The following GPR146 variants were observed in gnomAD, a reference collection of about 807,000 sequenced individuals.
GPR146 encodes G protein-coupled receptor 146.
For synonymous variants in GPR146, 203 were observed against 104.3 expected (o/e 1.95, Z -5.77); for missense variants, 381 against 213.9 (o/e 1.78, Z -4.87).
At chr7:1,049,408 T>C (rs1442357790) in intron 1 of GPR146, among the ~76,000 whole-genome samples, 1 of 152,188 alleles carries the variant, frequency 6.6e-6, no homozygotes, top group African/African-American at 2.4e-5. Flanking sequence ...ATGAAGATTT[T>C]TACTAAGCCT....
chr7:1,051,026 G>A (rs952499471), intron 1 of GPR146, among the ~76,000 whole-genome samples: 1 of 152,366 alleles, frequency 6.6e-6, no homozygotes, highest in East Asian at 1.9e-4. Flanking sequence ...CTGGGTGGGA[G>A]TGCGCAGCCC....
rs535670262 is a variant in GPR146, at chr7:1,047,149, G to T, written c.-25+2491G>T. Among the ~76,000 whole-genome samples the T allele has an allele frequency of 3.3e-4, 50 of 152,362 alleles. 2 individuals carry two copies. The highest frequency in any genetic ancestry group is 1.1e-3 in the African/African-American group (46 of 41,590). On this transcript the variant is annotated intron_variant, in intron 1 of 1. Transcript: ENST00000444847. ...GGAACAAAAAGCCAAGTAAACAAAA[G>T]AATGCTGTTCCACCTTCCTCCAGGG...
chr7:1,050,039 T>C (rs1052899379), intron 1 of GPR146, among the ~76,000 whole-genome samples: 3 of 152,304 alleles, frequency 2.0e-5, no homozygotes, highest in Admixed American at 6.5e-5. Context: ...TCTGGCGGGC[T>C]AGGCCTTGGC....
In GPR146 at chr7:1,058,274, G is replaced by T. The variant is rs1189200816; in HGVS notation, c.759G>T (p.Leu253=). The T allele has an allele frequency of 1.3e-6, 1 of 772,796 alleles. No individual in the cohort carries two copies. 47.9% of individuals were successfully genotyped at this position (772,796 alleles called of 1,614,324 possible). ...TCTGGACGCCACACTATCTGATCCTGCTGGGGCACACGGTCATCATCTCGC... is the reference window on the plus strand; with the variant it reads ...TCTGGACGCCACACTATCTGATCCTTCTGGGGCACACGGTCATCATCTCGC... The part of the protein sequence containing the change: ...FGLWTPHYLI[L]LGHTVIISRG... Residue 253 remains leucine, a synonymous_variant, in exon 2 of 2, where the codon CTG becomes CTT. Transcript: ENST00000444847.
intron 1 of GPR146, among the ~76,000 whole-genome samples, chr7:1,050,511 C>T (rs949515267): frequency 5.3e-5 from 8 of 152,254 alleles, no homozygotes; most frequent in South Asian, 2.1e-4. Context: ...GCCCCAGCTT[C>T]TCCAAGTCCT....
At chr7:1,057,391 C>T (rs1216042882) in intron 1 of GPR146, 101 bp from the exon 2 acceptor site, 12 of 604,754 alleles carry the variant, frequency 2.0e-5, no homozygotes, top group Non-Finnish European at 3.0e-5. Context: ...TGGTCTGCAG[C>T]GATTACTGCA....
chr7:1,049,679 C>T (rs570189614), intron 1 of GPR146, among the ~76,000 whole-genome samples: 70 of 152,338 alleles, frequency 4.6e-4, no homozygotes, highest in Non-Finnish European at 9.1e-4. Flanking sequence ...AGGCTTACTA[C>T]GAAGCCCTGT....
rs76654767 is a variant in GPR146, at chr7:1,052,369, C to T, written c.-24-5123C>T. On this transcript the variant is annotated intron_variant, in intron 1 of 1. Coordinates refer to ENST00000444847, the MANE Select transcript of GPR146 (RefSeq NM_001303473.2). The surrounding 1 kb of genome is among the most constrained non-coding windows in gnomAD (Gnocchi z 4.2). ...AGGGCCTTGGGGCTGCTTGTGCTGGCACCGACGTGGGCCTGGGGAGGGACC... is the reference window on the plus strand; with the variant it reads ...AGGGCCTTGGGGCTGCTTGTGCTGGTACCGACGTGGGCCTGGGGAGGGACC... Among the ~76,000 whole-genome samples the T allele has an allele frequency of 0.014, 2,130 of 152,252 alleles. 110 individuals carry two copies. The East Asian group carries it at 0.19, about 14-fold the overall frequency.
chr7:1,056,439 C>G (rs906283152), intron 1 of GPR146: 1 of 152,498 alleles, frequency 6.6e-6, no homozygotes, highest in Non-Finnish European at 1.5e-5. Context: ...GTCCTGCCCA[C>G]CAGCCTCTGG....
At chr7:1,055,669 T>C (rs1412202108) in intron 1 of GPR146, among the ~76,000 whole-genome samples, 13 of 152,122 alleles carry the variant, frequency 8.5e-5, no homozygotes. Context: ...CAGAGCACAC[T>C]GAGGGGTCCC....
At position 1,058,065 on chromosome 7, in the gene GPR146, G is replaced by A. The variant is rs139937732; in HGVS notation, c.550G>A (p.Ala184Thr). The A allele has an allele frequency of 1.2e-5, 9 of 767,762 alleles. No homozygotes were observed. In the African/African-American group the frequency reaches 1.2e-4, roughly 10 times the overall value. The allele number at this position is 767,762 out of a possible 1,614,324, so 47.6% of individuals were successfully genotyped here. Residue 184 changes from alanine (A) to threonine (T), a missense_variant, in exon 2 of 2, where the codon GCA becomes ACA. Physicochemically the swap from Ala to Thr is moderately conservative, Grantham distance 58. Coordinates refer to ENST00000444847, the MANE Select transcript of GPR146 (RefSeq NM_001303473.2). ...GCTAGAGTGCGCCAAGATGCAGAAC[G>A]CAGAAGCTGCCGACGCCACGCTGGT... ...RALECAKMQN[A>T]EAADATLVFI...
At position 1,046,653 on chromosome 7, in the gene GPR146, T is replaced by C. The variant is rs1015262527; in HGVS notation, c.-25+1995T>C. ...AAGTCAGTTTCTTAGGAGCGTGCTG[T>C]CTACCCAGGAGCCTCCGTGTGCAAA... On this transcript the variant is annotated intron_variant, in intron 1 of 1. Transcript: ENST00000444847. Among the ~76,000 whole-genome samples the C allele has an allele frequency of 3.9e-5, 6 of 152,284 alleles. No individual in the cohort carries two copies. The South Asian group carries it at 1.2e-3, about 32-fold the overall frequency.
Position 1,058,154 on chromosome 7 carries a change from C to T in GPR146, c.639C>T (p.Val213=). The change falls in exon 2 of 2, where the codon GTC becomes GTT. Residue 213 remains valine (V), a synonymous_variant. Transcript: ENST00000444847. The part of the protein sequence containing the change: ...TLYALVLLSR[V]RREDTPLDRD... ...ACGCGCTGGTGCTACTCTCCCGCGT[C>T]CGCAGGGAGGACACGCCCCTGGACC... is the stretch of plus-strand genomic sequence containing the variant. The T allele has an allele frequency of 1.4e-6, 1 of 739,788 alleles. No homozygotes were observed. Among genetic ancestry groups the T allele is most frequent in the East Asian group, 2.5e-5 (1 of 40,252 alleles). The allele number at this position is 739,788 out of a possible 1,614,324, so 45.8% of individuals were successfully genotyped here.
rs749899267 is a variant in GPR146, at chr7:1,057,858, G to A, written c.343G>A (p.Val115Met). The A allele has an allele frequency of 2.6e-6, 2 of 777,580 alleles. No homozygotes were observed. The highest frequency in any genetic ancestry group is 4.8e-6 in the Non-Finnish European group (2 of 418,050). 48.2% of individuals were successfully genotyped at this position (777,580 alleles called of 1,614,324 possible). A position where few individuals can be genotyped will look rare whatever the true frequency, so the allele number is the denominator to read the frequency against. Residue 115 changes from valine to methionine, a missense_variant, in exon 2 of 2, where the codon GTG becomes ATG. Coordinates refer to ENST00000444847, the MANE Select transcript of GPR146 (RefSeq NM_001303473.2). ...LQIPFNVSSL[V>M]AMYSTALLSL... ...GATCCCCTTCAATGTGTCCTCACTG[G>A]TGGCCATGTACTCCACCGCCCTGCT...
chr7:1,046,375 T>C (rs980825339), intron 1 of GPR146, among the ~76,000 whole-genome samples: 1 of 152,204 alleles, frequency 6.6e-6, no homozygotes, highest in Non-Finnish European at 1.5e-5. Flanking sequence ...GGTGCTGTTT[T>C]CTGTCAACAG....
At chr7:1,048,040 CA>C (rs3832537) in intron 1 of GPR146, among the ~76,000 whole-genome samples, 100,427 of 151,988 alleles carry the variant, frequency 0.66, 34,721 homozygotes, top group African/African-American at 0.87. Flanking sequence ...CTTAACCCAG[CA>C]AAGACTGGCG....
At chr7:1,055,785 C>T (rs992179573) in intron 1 of GPR146, among the ~76,000 whole-genome samples, 25 of 152,156 alleles carry the variant, frequency 1.6e-4, no homozygotes, top group African/African-American at 5.8e-4. Context: ...CCTCCCGCTC[C>T]GATCTTCTAA....
chr7:1,051,296 G>A (rs183624403), intron 1 of GPR146, among the ~76,000 whole-genome samples: 1 of 152,242 alleles, frequency 6.6e-6, no homozygotes, highest in South Asian at 2.1e-4. Flanking sequence ...GCTCTCTAGG[G>A]TGCACCTGGT....
At chr7:1,047,212 C>T (rs190117163) in intron 1 of GPR146, among the ~76,000 whole-genome samples, 4 of 152,216 alleles carry the variant, frequency 2.6e-5, no homozygotes, top group Non-Finnish European at 4.4e-5. Context: ...GTGCCCAGCC[C>T]GCTCACTGGC....
Sources: allele counts gnomAD v4.1 joint callset (sites outside exome capture counted in the v4.1 genomes callset), GRCh38; gene constraint gnomAD v4.1.1; non-coding constraint Gnocchi (gnomAD v3.1); transcripts MANE v1.5; gene names NCBI Gene and HGNC (gene_info 2026-07-23, HGNC 2026-07-21).